Variants in THAP4 observed in about 807,000 individuals in gnomAD.
THAP4 encodes the protein THAP domain containing 4.
THAP4 carries 18 observed loss-of-function variants against 48.1 expected under a neutral mutation model. The observed-to-expected ratio is 0.37, with a 90% CI of 0.26 to 0.56. The LOEUF is 0.56. THAP4 is among the 20% of genes least tolerant of loss of function. The pLI, the probability that THAP4 is intolerant of heterozygous loss-of-function variation, is 0.78. For missense variants in THAP4, 656 were observed against 774.9 expected (o/e 0.85, Z 1.82); for synonymous variants, 345 against 324.9 (o/e 1.06, Z -0.66).
intron 2 of THAP4, among the ~76,000 whole-genome samples, chr2:241,629,733 G>A (rs1331755746): frequency 6.6e-6 from 1 of 151,690 alleles, no homozygotes; most frequent in Non-Finnish European, 1.5e-5. Flanking sequence ...TCTTGTGTTG[G>A]TAACAGGAAA....
At chr2:241,598,798 C>T (rs1460494881) in intron 5 of THAP4, among the ~76,000 whole-genome samples, 3 of 151,960 alleles carry the variant, frequency 2.0e-5, no homozygotes, top group Non-Finnish European at 4.4e-5. Context: ...AGATTCATCC[C>T]CAACAGGTTA....
chr2:241,588,363 T>C (rs2066917402), intron 5 of THAP4, among the ~76,000 whole-genome samples: 2 of 152,234 alleles, frequency 1.3e-5, no homozygotes, highest in South Asian at 4.1e-4. Flanking sequence ...ATGGCACTTC[T>C]TCCCAAATTA....
intron 2 of THAP4, among the ~76,000 whole-genome samples, chr2:241,608,803 G>A (rs1227324251): frequency 6.6e-6 from 1 of 152,230 alleles, no homozygotes; most frequent in African/African-American, 2.4e-5. Context: ...GGCTGTTGGG[G>A]CACTGTGAAA....
rs2067351280 is a variant in THAP4 at position 241,616,592 on chromosome 2, C to G, written c.1241-10119G>C. On this transcript the variant is annotated intron_variant, in intron 2 of 5. Coordinates refer to ENST00000407315, the MANE Select transcript of THAP4 (RefSeq NM_015963.6). The surrounding 1 kb of genome is among the most constrained non-coding windows in gnomAD (Gnocchi z 4.6). ...GCAGGCGGCTGCTGCTTCAGGGGCA[C>G]AGGGCCCACACCACACTTGGGGACA... Among the ~76,000 whole-genome samples the G allele has an allele frequency of 6.6e-6, 1 of 152,172 alleles. No homozygotes were observed. The highest frequency in any genetic ancestry group is 1.5e-5 in the Non-Finnish European group (1 of 68,030).
chr2:241,620,600 T>C (rs972266679), intron 2 of THAP4, among the ~76,000 whole-genome samples: 6 of 112,452 alleles, frequency 5.3e-5, no homozygotes, highest in African/African-American at 2.2e-4. Context: ...GGTGAGTGAG[T>C]CAGTGAGTGA....
chr2:241,625,247 G>C (rs1297311859), intron 2 of THAP4, among the ~76,000 whole-genome samples: 1 of 152,094 alleles, frequency 6.6e-6, no homozygotes, highest in East Asian at 1.9e-4. Context: ...GGCCAAGCTG[G>C]GAGAATCACT....
intron 2 of THAP4, among the ~76,000 whole-genome samples, chr2:241,620,140 G>C (rs111214888): frequency 9.9e-6 from 1 of 100,986 alleles, no homozygotes; most frequent in African/African-American, 4.0e-5. Flanking sequence ...GTGAGTGAGG[G>C]GTGAGGGGTG....
intron 4 of THAP4, among the ~76,000 whole-genome samples, chr2:241,602,425 C>T (rs1157862689): frequency 6.6e-6 from 1 of 150,710 alleles, no homozygotes; most frequent in African/African-American, 2.4e-5. Flanking sequence ...AGTGCAGTGG[C>T]GCATTCTTGG....
chr2:241,628,152 G>T (rs1355906543), intron 2 of THAP4, among the ~76,000 whole-genome samples: 1 of 151,822 alleles, frequency 6.6e-6, no homozygotes, highest in Non-Finnish European at 1.5e-5. Context: ...CTCCATTCTG[G>T]TCAGAGTAGC....
chr2:241,619,908 G>A (rs1245404111), intron 2 of THAP4, among the ~76,000 whole-genome samples: 4 of 117,460 alleles, frequency 3.4e-5, no homozygotes, highest in South Asian at 3.3e-4. Context: ...GTGAGTGAGG[G>A]GTGAATGAGG....
At chr2:241,597,477 C>T (rs1451773814) in intron 5 of THAP4, among the ~76,000 whole-genome samples, 2 of 152,150 alleles carry the variant, frequency 1.3e-5, no homozygotes, top group Non-Finnish European at 2.9e-5. Flanking sequence ...GAACTCTGAA[C>T]CTAACAAGGA....
intron 2 of THAP4, among the ~76,000 whole-genome samples, chr2:241,619,576 G>A (rs1452587434): frequency 6.6e-6 from 1 of 152,214 alleles, no homozygotes; most frequent in African/African-American, 2.4e-5. Context: ...GTAAAAATAT[G>A]GCATAAGAGA....
At chr2:241,609,303 G>C (rs913881057) in intron 2 of THAP4, among the ~76,000 whole-genome samples, 4 of 152,230 alleles carry the variant, frequency 2.6e-5, no homozygotes, top group African/African-American at 9.6e-5. Flanking sequence ...GAGAAGACAA[G>C]TTACCATTAA....
At chr2:241,590,347 G>A (rs2066946259) in intron 5 of THAP4, among the ~76,000 whole-genome samples, 2 of 151,110 alleles carry the variant, frequency 1.3e-5, no homozygotes, top group Admixed American at 6.6e-5. Context: ...TGATGATGAT[G>A]GGCACTAGGA....
chr2:241,587,913 C>G (rs2066912100), intron 5 of THAP4, among the ~76,000 whole-genome samples: 1 of 149,728 alleles, frequency 6.7e-6, no homozygotes, highest in African/African-American at 2.5e-5. Flanking sequence ...GAAACTCCAT[C>G]TCAAAAAAAA....
intron 5 of THAP4, among the ~76,000 whole-genome samples, chr2:241,585,772 G>C (rs1198704020): frequency 2.6e-5 from 4 of 151,868 alleles, no homozygotes; most frequent in African/African-American, 9.7e-5. Context: ...GCGCAGCCGG[G>C]CATGGTGGTA....
intron 2 of THAP4, among the ~76,000 whole-genome samples, chr2:241,624,402 G>A (rs2067470323): frequency 6.6e-6 from 1 of 151,796 alleles, no homozygotes; most frequent in Non-Finnish European, 1.5e-5. Context: ...CAGGAGAATC[G>A]CTTGAACCCA....
intron 5 of THAP4, among the ~76,000 whole-genome samples, chr2:241,589,537 A>C (rs890688331): frequency 6.6e-6 from 1 of 152,150 alleles, no homozygotes; most frequent in African/African-American, 2.4e-5. Context: ...ATCACAATAA[A>C]ATACCACCCT....
chr2:241,599,971 G>A (rs2067092741), intron 5 of THAP4, among the ~76,000 whole-genome samples: 1 of 152,176 alleles, frequency 6.6e-6, no homozygotes, highest in African/African-American at 2.4e-5. Flanking sequence ...GCACTTGGGA[G>A]GCTGAGGCAG....
Sources: allele counts gnomAD v4.1 joint callset (sites outside exome capture counted in the v4.1 genomes callset), GRCh38; gene constraint gnomAD v4.1.1; non-coding constraint Gnocchi (gnomAD v3.1); transcripts MANE v1.5; gene names NCBI Gene and HGNC (gene_info 2026-07-23, HGNC 2026-07-21).